DLG2: variants seen among roughly 807,000 people sequenced by gnomAD.
DLG2 encodes disks large homolog 2.
Under a neutral mutation model 132.5 loss-of-function variants are expected in DLG2, and 45 were observed. The observed-to-expected ratio is 0.34, with a 90% CI of 0.27 to 0.44. The LOEUF (loss-of-function observed/expected upper bound fraction) is 0.44, where lower values mean the gene tolerates loss of function less well. DLG2 is among the 20% of genes least tolerant of loss of function. DLG2 has a pLI of 1.00. For missense variants in DLG2, 1,045 were observed against 1,196.9 expected (o/e 0.87, Z 1.87); for synonymous variants, 424 against 419.6 (o/e 1.01, Z -0.13).
At chr11:84,127,305 T>A (rs1466467398) in intron 9 of DLG2, among the ~76,000 whole-genome samples, 1 of 152,200 alleles carries the variant, frequency 6.6e-6, no homozygotes, top group Non-Finnish European at 1.5e-5. Context: ...CTGACATACA[T>A]TCCAATACTC....
At chr11:85,286,103 A>T in intron 3 of DLG2, 1 of 453,368 alleles carries the variant, frequency 2.2e-6, no homozygotes, top group South Asian at 1.6e-5. Context: ...GACTTAAGTA[A>T]CTTTGAAAAT....
At chr11:85,527,951 T>C (rs1598289728) in intron 3 of DLG2, among the ~76,000 whole-genome samples, 1 of 152,264 alleles carries the variant, frequency 6.6e-6, no homozygotes, top group Non-Finnish European at 1.5e-5. Flanking sequence ...TGACCAGTGA[T>C]GATGAGCTTT....
intron 19 of DLG2, among the ~76,000 whole-genome samples, chr11:83,608,723 C>T (rs900357056): frequency 3.3e-5 from 5 of 151,400 alleles, no homozygotes; most frequent in Admixed American, 6.6e-5. Context: ...CACACACACA[C>T]GCACACACAC....
At chr11:84,704,788 T>A (rs1310064238) in intron 6 of DLG2, among the ~76,000 whole-genome samples, 2 of 151,206 alleles carry the variant, frequency 1.3e-5, no homozygotes, top group African/African-American at 4.8e-5. Flanking sequence ...ACTTCTTGAT[T>A]GGTTCTTCTA....
chr11:84,641,442 G>C (rs1057513268), intron 6 of DLG2, among the ~76,000 whole-genome samples: 27 of 152,096 alleles, frequency 1.8e-4, no homozygotes, highest in Non-Finnish European at 1.5e-5. Flanking sequence ...TTCCGGAGAT[G>C]GGCTTCTCAA....
At chr11:84,935,692 G>A (rs990487364) in intron 6 of DLG2, among the ~76,000 whole-genome samples, 39 of 152,084 alleles carry the variant, frequency 2.6e-4, no homozygotes, top group Non-Finnish European at 1.0e-4. Context: ...CAACAATGTT[G>A]ATCCTCCTGC....
chr11:84,099,302 C>T (rs1240812015), intron 9 of DLG2, among the ~76,000 whole-genome samples: 1 of 151,922 alleles, frequency 6.6e-6, no homozygotes, highest in Non-Finnish European at 1.5e-5. Context: ...CAATTAAAAT[C>T]ACATTTATGA....
intron 6 of DLG2, among the ~76,000 whole-genome samples, chr11:85,098,704 C>T (rs7950116): frequency 1.3e-5 from 2 of 152,108 alleles, no homozygotes; most frequent in African/African-American, 2.4e-5. Flanking sequence ...TTTGCTTCTA[C>T]AAAATGTAAA....
chr11:83,536,488 C>G (rs1241014506), intron 20 of DLG2, among the ~76,000 whole-genome samples: 2 of 151,580 alleles, frequency 1.3e-5, no homozygotes, highest in East Asian at 1.9e-4. Flanking sequence ...TCTCCTAGCT[C>G]TTTCTGGGAT....
At chr11:85,511,990 C>G (rs558352286) in intron 3 of DLG2, among the ~76,000 whole-genome samples, 1 of 152,024 alleles carries the variant, frequency 6.6e-6, no homozygotes, top group East Asian at 1.9e-4. Context: ...ATTGTTCATA[C>G]CAATGTGAAA....
At chr11:83,773,629 A>G (rs1391769279) in intron 18 of DLG2, among the ~76,000 whole-genome samples, 1 of 152,208 alleles carries the variant, frequency 6.6e-6, no homozygotes, top group Admixed American at 6.5e-5. Flanking sequence ...TTGAAGATCA[A>G]TATTTGGGAG....
At chr11:85,113,733 G>A (rs748848538) in intron 5 of DLG2, among the ~76,000 whole-genome samples, 11 of 151,990 alleles carry the variant, frequency 7.2e-5, no homozygotes, top group Non-Finnish European at 1.5e-4. Context: ...TCTGTAAAAT[G>A]AGAAAGTTTC....
intron 6 of DLG2, among the ~76,000 whole-genome samples, chr11:84,576,176 T>C (rs953167264): frequency 6.6e-6 from 1 of 152,218 alleles, no homozygotes; most frequent in Non-Finnish European, 1.5e-5. Context: ...TGCCATATAA[T>C]ACAATTCACT....
intron 21 of DLG2, among the ~76,000 whole-genome samples, chr11:83,490,330 T>C (rs1313616456): frequency 2.0e-5 from 3 of 151,830 alleles, no homozygotes; most frequent in Non-Finnish European, 2.9e-5. Context: ...TATAACACAT[T>C]CAATTAAAAA....
intron 6 of DLG2, among the ~76,000 whole-genome samples, chr11:85,017,885 CA>C (rs2059702193): frequency 6.6e-6 from 1 of 152,140 alleles, no homozygotes; most frequent in Admixed American, 6.6e-5. Flanking sequence ...ATGTCCAAGA[CA>C]CGTTGGAGTG....
chr11:83,650,776 C>A (rs1029388261), intron 18 of DLG2, among the ~76,000 whole-genome samples: 7 of 152,106 alleles, frequency 4.6e-5, no homozygotes, highest in African/African-American at 7.2e-5. Context: ...TATAAAATTT[C>A]TTTGCCTCAG....
intron 8 of DLG2, among the ~76,000 whole-genome samples, chr11:84,224,221 T>A (rs1193089362): frequency 6.6e-6 from 1 of 152,188 alleles, no homozygotes; most frequent in East Asian, 1.9e-4. Flanking sequence ...TCCAGATTCC[T>A]GAGAGGTCCA....
At chr11:85,451,379 G>C (rs771338662) in intron 3 of DLG2, among the ~76,000 whole-genome samples, 4 of 152,132 alleles carry the variant, frequency 2.6e-5, no homozygotes, top group Non-Finnish European at 4.4e-5. Flanking sequence ...TGTTTACTCA[G>C]TAACCAGCAC....
Position 85,579,297 on chromosome 11 carries a change from C to A in DLG2, c.40+19360G>T, listed in dbSNP as rs187739357. Among the ~76,000 whole-genome samples, 8 of 151,824 alleles carry A rather than the reference C, an allele frequency of 5.3e-5. No homozygotes were observed. In the East Asian group the frequency reaches 1.6e-3, roughly 29 times the overall value. ...AACTAATGGGTACTAGGCTTAATAC[C>A]CAGGTGATGAAATAATCTGTACAAC... On this transcript the variant is annotated intron_variant, in intron 3 of 27. Transcript: ENST00000376104.
Sources: allele counts gnomAD v4.1 joint callset (sites outside exome capture counted in the v4.1 genomes callset), GRCh38; gene constraint gnomAD v4.1.1; transcripts MANE v1.5; gene names NCBI Gene and HGNC (gene_info 2026-07-23, HGNC 2026-07-21).